The following VAT1L variants were observed in gnomAD, a reference collection of about 807,000 sequenced individuals.
VAT1L encodes the protein vesicle amine transport 1 like, also known as putative NADPH-dependent quinone oxidoreductase VAT1L.
In VAT1L, 34 loss-of-function variants were observed where a neutral mutation model predicts 44.1. The ratio of observed to expected loss-of-function variants is 0.77; its 90% CI spans 0.59 to 1.03. The LOEUF (loss-of-function observed/expected upper bound fraction) is 1.03. VAT1L is among the 50% of genes least tolerant of loss of function. VAT1L has a pLI of 0.00. For missense variants in VAT1L, 615 were observed against 538.8 expected (o/e 1.14, Z -1.40); for synonymous variants, 253 against 202.2 (o/e 1.25, Z -2.13).
At chr16:77,928,255 G>C (rs1480867529) in intron 7 of VAT1L, among the ~76,000 whole-genome samples, 1 of 152,138 alleles carries the variant, frequency 6.6e-6, no homozygotes, top group East Asian at 1.9e-4. Flanking sequence ...TGGTCACCAG[G>C]CTTCCCTCTA....
intron 7 of VAT1L, among the ~76,000 whole-genome samples, chr16:77,916,131 G>T (rs558551255): frequency 4.6e-5 from 7 of 152,310 alleles, no homozygotes; most frequent in African/African-American, 1.7e-4. Flanking sequence ...AATGGGGGTA[G>T]TAGCACGGTA....
At chr16:77,839,821 C>T (rs1403278144) in intron 3 of VAT1L, among the ~76,000 whole-genome samples, 1 of 152,124 alleles carries the variant, frequency 6.6e-6, no homozygotes, top group East Asian at 1.9e-4. Context: ...ATATCACCCT[C>T]ATTGCATGGA....
intron 3 of VAT1L, among the ~76,000 whole-genome samples, chr16:77,853,214 A>C (rs900684740): frequency 1.8e-4 from 27 of 152,144 alleles, no homozygotes; most frequent in African/African-American, 6.5e-4. Context: ...GCTAATGGGG[A>C]TGGGGGCTTA....
At chr16:77,913,145 T>C (rs2017516270) in intron 7 of VAT1L, among the ~76,000 whole-genome samples, 1 of 152,228 alleles carries the variant, frequency 6.6e-6, no homozygotes, top group Admixed American at 6.5e-5. Flanking sequence ...GAGTTGTCTA[T>C]GCTTTATTTG....
At chr16:77,943,393 T>C (rs977644894) in intron 7 of VAT1L, among the ~76,000 whole-genome samples, 5 of 148,268 alleles carry the variant, frequency 3.4e-5, no homozygotes, top group African/African-American at 5.0e-5. Flanking sequence ...TTTTTTTTTT[T>C]TTTTGAGACA....
intron 6 of VAT1L, among the ~76,000 whole-genome samples, chr16:77,880,893 C>G (rs770733710): frequency 5.3e-5 from 8 of 152,068 alleles, no homozygotes; most frequent in East Asian, 1.9e-4. Context: ...AAAATGAGCT[C>G]CAGCTGCATC....
At chr16:77,845,346 G>T (rs1030573402) in intron 3 of VAT1L, among the ~76,000 whole-genome samples, 4 of 152,100 alleles carry the variant, frequency 2.6e-5, no homozygotes, top group African/African-American at 9.7e-5. Context: ...GTATGTTCCT[G>T]AGTGTGCTCT....
chr16:77,828,245 G>C (rs183800182), intron 3 of VAT1L, among the ~76,000 whole-genome samples: 2 of 152,326 alleles, frequency 1.3e-5, no homozygotes, highest in Admixed American at 1.3e-4. Flanking sequence ...TGAGTCCCTG[G>C]TACCTGTATG....
chr16:77,815,229 T>G (rs181420151), intron 1 of VAT1L, among the ~76,000 whole-genome samples: 2 of 152,346 alleles, frequency 1.3e-5, no homozygotes, highest in East Asian at 1.9e-4. Context: ...CAAATATCAT[T>G]CAGAAATGTA....
chr16:77,938,426 A>G, intron 7 of VAT1L, among the ~76,000 whole-genome samples: 1 of 152,204 alleles, frequency 6.6e-6, no homozygotes. Flanking sequence ...ATGTGTCCTC[A>G]TCAAATCTCA....
chr16:77,923,282 C>G (rs577450557), intron 7 of VAT1L, among the ~76,000 whole-genome samples: 1 of 152,314 alleles, frequency 6.6e-6, no homozygotes, highest in East Asian at 1.9e-4. Flanking sequence ...AACCCCGTAT[C>G]TACCAAAAAT....
intron 7 of VAT1L, chr16:77,892,601 A>G: frequency 1.5e-6 from 1 of 662,820 alleles, no homozygotes. Flanking sequence ...TCCAGGGTTT[A>G]TGTGTCAAGG....
At position 77,868,670 on chromosome 16, in the gene VAT1L, C is replaced by T. The variant is rs1047509531; in HGVS notation, c.722+5780C>T. Among the ~76,000 whole-genome samples the T allele has an allele frequency of 5.9e-5, 9 of 152,180 alleles. No individual in the cohort carries two copies. The South Asian group carries it at 6.2e-4, about 11-fold the overall frequency. ...CTGACTCTCACAAAGGAAGTGAGGGCGGCTTGCTCCTCAGCCAGGGAGGAA... is the reference window on the plus strand; with the variant it reads ...CTGACTCTCACAAAGGAAGTGAGGGTGGCTTGCTCCTCAGCCAGGGAGGAA... On this transcript the variant is annotated intron_variant, in intron 4 of 8. Coordinates refer to ENST00000302536, the MANE Select transcript of VAT1L (RefSeq NM_020927.3).
At chr16:77,796,858 C>T (rs1386984286) in intron 1 of VAT1L, among the ~76,000 whole-genome samples, 1 of 152,038 alleles carries the variant, frequency 6.6e-6, no homozygotes, top group Non-Finnish European at 1.5e-5. Flanking sequence ...GGCTGTAATC[C>T]AAAGGGAAAT....
At chr16:77,877,265 C>G (rs1477186229) in intron 5 of VAT1L, among the ~76,000 whole-genome samples, 1 of 152,130 alleles carries the variant, frequency 6.6e-6, no homozygotes, top group Non-Finnish European at 1.5e-5. Flanking sequence ...AATCCCAGCA[C>G]TTTGGGAGGC....
intron 3 of VAT1L, among the ~76,000 whole-genome samples, chr16:77,826,697 G>T (rs2016527402): frequency 6.6e-6 from 1 of 152,148 alleles, no homozygotes; most frequent in African/African-American, 2.4e-5. Flanking sequence ...TGGTCTACTG[G>T]GGTCTGGGTG....
At chr16:77,905,469 G>A (rs762080388) in intron 7 of VAT1L, among the ~76,000 whole-genome samples, 1 of 152,070 alleles carries the variant, frequency 6.6e-6, no homozygotes, top group African/African-American at 2.4e-5. Context: ...TGCAAACATA[G>A]AGTAGCCTCG....
At chr16:77,833,816 G>A (rs1358783913) in intron 3 of VAT1L, among the ~76,000 whole-genome samples, 3 of 151,990 alleles carry the variant, frequency 2.0e-5, no homozygotes, top group African/African-American at 7.2e-5. Flanking sequence ...GAGGTGAGGG[G>A]GGCTTCATTA....
At chr16:77,809,976 T>C (rs1337902700) in intron 1 of VAT1L, among the ~76,000 whole-genome samples, 1 of 152,054 alleles carries the variant, frequency 6.6e-6, no homozygotes, top group Non-Finnish European at 1.5e-5. Context: ...AGGCTACAAA[T>C]CCAGGAGGGA....
Sources: allele counts gnomAD v4.1 joint callset (sites outside exome capture counted in the v4.1 genomes callset), GRCh38; gene constraint gnomAD v4.1.1; transcripts MANE v1.5; gene names NCBI Gene and HGNC (gene_info 2026-07-23, HGNC 2026-07-21).